Variants in CNTNAP5 observed in about 807,000 individuals in gnomAD.
CNTNAP5 encodes contactin-associated protein-like 5.
In CNTNAP5, 72 loss-of-function variants were observed where a neutral mutation model predicts 150.2. The observed-to-expected ratio is 0.48, with a 90% CI of 0.40 to 0.58. The LOEUF (loss-of-function observed/expected upper bound fraction) is 0.58, where lower values mean the gene tolerates loss of function less well. Among genes scored for constraint, CNTNAP5 ranks in the 20% least tolerant of loss-of-function variants. CNTNAP5 has a pLI of 0.00. For synonymous variants in CNTNAP5, 672 were observed against 619.8 expected, an observed-to-expected ratio of 1.08 and a Z score of -1.25; for missense variants, 1,636 against 1,626.2, an observed-to-expected ratio of 1.01 and a Z score of -0.10.
chr2:124,878,360 T>A (rs1297003006), intron 21 of CNTNAP5, among the ~76,000 whole-genome samples: 1 of 152,098 alleles, frequency 6.6e-6, no homozygotes, highest in African/African-American at 2.4e-5. Context: ...TATGTTATTA[T>A]GACAATTATA....
chr2:124,755,077 T>TG (rs1680811337), intron 14 of CNTNAP5, among the ~76,000 whole-genome samples: 1 of 152,056 alleles, frequency 6.6e-6, no homozygotes, highest in Non-Finnish European at 1.5e-5. Context: ...GCAGGTTTTT[T>TG]TTTTCTTTCT....
intron 1 of CNTNAP5, among the ~76,000 whole-genome samples, chr2:124,106,323 G>T (rs927540666): frequency 6.6e-6 from 1 of 152,172 alleles, no homozygotes. Context: ...CTGGTGGCTG[G>T]AGCACCCTGG....
chr2:124,889,146 T>C (rs761288347), intron 21 of CNTNAP5, among the ~76,000 whole-genome samples: 3 of 143,696 alleles, frequency 2.1e-5, no homozygotes, highest in Non-Finnish European at 3.0e-5. Flanking sequence ...GCACCCAGGC[T>C]GGAGTGCAGT....
chr2:124,424,858 C>A (rs1274762714), intron 4 of CNTNAP5, among the ~76,000 whole-genome samples: 1 of 152,054 alleles, frequency 6.6e-6, no homozygotes, highest in Non-Finnish European at 1.5e-5. Context: ...TTTAGGAAAC[C>A]AAGTCTTTGG....
chr2:124,351,733 A>G (rs1477103942), intron 3 of CNTNAP5, among the ~76,000 whole-genome samples: 3 of 152,220 alleles, frequency 2.0e-5, no homozygotes, highest in Non-Finnish European at 4.4e-5. Context: ...GGGGCATTGT[A>G]TAACAATTGG....
intron 2 of CNTNAP5, among the ~76,000 whole-genome samples, chr2:124,226,723 T>G (rs1357917741): frequency 6.6e-6 from 1 of 152,082 alleles, no homozygotes; most frequent in African/African-American, 2.4e-5. Context: ...AAAAGAAATT[T>G]ATTTCTTACA....
intron 12 of CNTNAP5, among the ~76,000 whole-genome samples, chr2:124,626,776 T>G (rs1400000523): frequency 6.6e-6 from 1 of 152,094 alleles, no homozygotes; most frequent in Non-Finnish European, 1.5e-5. Flanking sequence ...CAGGTCCCAC[T>G]TCCATGGGCC....
chr2:124,463,935 AT>A lies in CNTNAP5; in HGVS notation c.919-10796del, dbSNP rs1156937029. ...AGCTGCTAAACCTCTGTATGCTGTC[AT>A]TTTTTTTCAGCTGTTAAATGGAGCA... On this transcript the variant is annotated intron_variant, in intron 6 of 23. Transcript: ENST00000682447. 5.3e-5 allele frequency among the ~76,000 whole-genome samples: 8 copies of A among 151,854 alleles called. No homozygotes were observed. The South Asian group carries it at 1.5e-3, about 28-fold the overall frequency.
chr2:124,186,230 G>A (rs905669023), intron 1 of CNTNAP5, among the ~76,000 whole-genome samples: 4 of 152,206 alleles, frequency 2.6e-5, no homozygotes, highest in African/African-American at 7.2e-5. Flanking sequence ...GTCTGTGTAC[G>A]TGCTGTGCAC....
intron 19 of CNTNAP5, among the ~76,000 whole-genome samples, chr2:124,859,578 T>A (rs1677464985): frequency 6.6e-6 from 1 of 152,230 alleles, no homozygotes; most frequent in Non-Finnish European, 1.5e-5. Flanking sequence ...CAAAGGATTA[T>A]AAATCATGCT....
intron 5 of CNTNAP5, among the ~76,000 whole-genome samples, chr2:124,445,662 G>A (rs952852898): frequency 1.3e-5 from 2 of 152,144 alleles, no homozygotes; most frequent in Admixed American, 1.3e-4. Context: ...AGCAGCCTTC[G>A]GGGAAGTGGC....
chr2:124,592,761 T>G (rs1268471000), intron 11 of CNTNAP5, among the ~76,000 whole-genome samples: 1 of 152,234 alleles, frequency 6.6e-6, no homozygotes, highest in African/African-American at 2.4e-5. Flanking sequence ...TTTATTTTTC[T>G]ATGAGTCTCC....
intron 8 of CNTNAP5, 81 bp downstream of exon 8, chr2:124,504,637 A>G: frequency 7.1e-7 from 1 of 1,401,994 alleles, no homozygotes; most frequent in South Asian, 1.3e-5. Flanking sequence ...AACATACAGA[A>G]TCCAAATCTC....
chr2:124,077,015 A>G (rs1297733784), intron 1 of CNTNAP5, among the ~76,000 whole-genome samples: 1 of 152,154 alleles, frequency 6.6e-6, no homozygotes, highest in Non-Finnish European at 1.5e-5. Flanking sequence ...CATTACCAAC[A>G]TCAGTGAAGA....
intron 3 of CNTNAP5, among the ~76,000 whole-genome samples, chr2:124,372,584 G>GA (rs1472549084): frequency 9.9e-5 from 15 of 152,092 alleles, no homozygotes; most frequent in African/African-American, 3.6e-4. Context: ...ACAACGAAGT[G>GA]AATCAACCTT....
intron 1 of CNTNAP5, among the ~76,000 whole-genome samples, chr2:124,200,089 G>T (rs1424185174): frequency 6.6e-6 from 1 of 152,150 alleles, no homozygotes; most frequent in Non-Finnish European, 1.5e-5. Flanking sequence ...TCAATAAGGG[G>T]AATGTTTGCT....
In CNTNAP5 at chr2:124,671,905, G is replaced by T. The variant is rs546218776; in HGVS notation, c.2077+23947G>T. On this transcript the variant is annotated intron_variant, in intron 13 of 23. Transcript: ENST00000682447. ...TCCTCCCGCTTTGGCCTCCCAAAGT[G>T]CTGTAATTACAGGCATGAGCCACCA... 9.1e-4 allele frequency among the ~76,000 whole-genome samples: 138 copies of T among 152,262 alleles called. 2 individuals carry two copies. In the Middle Eastern group the frequency reaches 0.01, roughly 11 times the overall value.
At chr2:124,790,507 C>T (rs1681702180) in intron 18 of CNTNAP5, among the ~76,000 whole-genome samples, 1 of 152,226 alleles carries the variant, frequency 6.6e-6, no homozygotes, top group African/African-American at 2.4e-5. Context: ...AGAATCTAGC[C>T]CTGGGGGAGC....
chr2:124,769,020 T>C (rs1681131954), intron 16 of CNTNAP5, among the ~76,000 whole-genome samples: 1 of 152,160 alleles, frequency 6.6e-6, no homozygotes, highest in Non-Finnish European at 1.5e-5. Context: ...TGTTAAGGCC[T>C]TATGAATTAT....
Sources: gnomAD v4.1 joint callset for allele counts (sites outside exome capture counted in the v4.1 genomes callset) on GRCh38, gnomAD v4.1.1 for gene constraint, MANE v1.5 for transcripts, NCBI Gene and HGNC (gene_info 2026-07-23, HGNC 2026-07-21) for gene names.